The following SDK1 variants were observed in gnomAD, a reference collection of about 807,000 sequenced individuals.
SDK1 encodes the protein sidekick cell adhesion molecule 1, also known as protein sidekick-1.
A neutral mutation model predicts 245.5 loss-of-function variants in SDK1; 157 were observed. The ratio of observed to expected loss-of-function variants is 0.64; its 90% CI spans 0.56 to 0.73. SDK1 has a LOEUF of 0.73. Among genes scored for constraint, SDK1 ranks in the 30% least tolerant of loss-of-function variants. The pLI, the probability that SDK1 is intolerant of heterozygous loss-of-function variation, is 0.00. For synonymous variants in SDK1, 1,647 were observed against 1,278.5 expected (o/e 1.29, Z -6.15); for missense variants, 3,583 against 3,002.3 (o/e 1.19, Z -4.52).
At chr7:3,595,854 A>AC (rs1554295203) in intron 1 of SDK1, among the ~76,000 whole-genome samples, 8 of 143,812 alleles carry the variant, frequency 5.6e-5, no homozygotes, top group East Asian at 2.1e-4. Flanking sequence ...AAAAAAAAAA[A>AC]AACAACAACA....
At chr7:3,520,346 A>T (rs138567819) in intron 1 of SDK1, among the ~76,000 whole-genome samples, 1 of 152,172 alleles carries the variant, frequency 6.6e-6, no homozygotes, top group Non-Finnish European at 1.5e-5. Flanking sequence ...CATCCTGTGC[A>T]GCTCTCTGTT....
chr7:4,012,004 C>A, intron 15 of SDK1, 91 bp from the exon 16 acceptor site: 3 of 1,156,328 alleles, frequency 2.6e-6, no homozygotes, highest in Non-Finnish European at 3.4e-6. Context: ...AATAGTCAGG[C>A]TCAAGATTCA....
intron 1 of SDK1, among the ~76,000 whole-genome samples, chr7:3,492,508 A>G (rs547087020): frequency 6.6e-6 from 1 of 152,346 alleles, no homozygotes; most frequent in Admixed American, 6.5e-5. Flanking sequence ...AAATACAAAA[A>G]CAAAAACAAC....
At chr7:4,058,905 A>G (rs1311207040) in intron 19 of SDK1, among the ~76,000 whole-genome samples, 3 of 152,150 alleles carry the variant, frequency 2.0e-5, no homozygotes, top group Admixed American at 2.0e-4. Context: ...AAAATGTACA[A>G]ACGTATAAAA....
At chr7:3,714,310 A>C (rs963312445) in intron 4 of SDK1, among the ~76,000 whole-genome samples, 7 of 152,238 alleles carry the variant, frequency 4.6e-5, no homozygotes, top group African/African-American at 1.7e-4. Context: ...AATATGAAGG[A>C]AAATCATTAC....
At chr7:4,095,771 G>C (rs1230691519) in intron 22 of SDK1, among the ~76,000 whole-genome samples, 4 of 151,972 alleles carry the variant, frequency 2.6e-5, no homozygotes, top group Admixed American at 2.6e-4. Flanking sequence ...ATGGGGTTTC[G>C]CCGTGTGGGC....
At chr7:4,250,676 G>A (rs1005147874) in intron 44 of SDK1, among the ~76,000 whole-genome samples, 4 of 152,066 alleles carry the variant, frequency 2.6e-5, no homozygotes, top group Admixed American at 6.6e-5. Flanking sequence ...AGGGTCTAAC[G>A]GAACACAGGC....
At chr7:3,893,297 T>TG (rs1275895006) in intron 5 of SDK1, among the ~76,000 whole-genome samples, 3 of 152,118 alleles carry the variant, frequency 2.0e-5, no homozygotes, top group African/African-American at 7.2e-5. Flanking sequence ...TCATCCCACC[T>TG]GGGTCTGAAT....
At chr7:3,737,837 G>A (rs1187047960) in intron 4 of SDK1, among the ~76,000 whole-genome samples, 1 of 152,194 alleles carries the variant, frequency 6.6e-6, no homozygotes, top group African/African-American at 2.4e-5. Context: ...ATAGCTTAGG[G>A]GAAGTCTCTT....
chr7:3,346,609 C>T (rs1380345457), intron 1 of SDK1, among the ~76,000 whole-genome samples: 3 of 149,774 alleles, frequency 2.0e-5, no homozygotes, highest in Admixed American at 6.7e-5. Context: ...CCAACTCGTG[C>T]TCAGGCAGTC....
chr7:3,566,781 C>G (rs1035693435), intron 1 of SDK1, among the ~76,000 whole-genome samples: 3 of 149,538 alleles, frequency 2.0e-5, no homozygotes, highest in Non-Finnish European at 3.0e-5. Context: ...TGACCACACA[C>G]TTCACAAAAC....
intron 2 of SDK1, among the ~76,000 whole-genome samples, chr7:3,637,912 A>G (rs1177099138): frequency 1.3e-5 from 2 of 152,258 alleles, no homozygotes; most frequent in South Asian, 2.1e-4. Context: ...CGAGTTCTGT[A>G]TCTCATCCTG....
intron 2 of SDK1, among the ~76,000 whole-genome samples, chr7:3,625,404 C>T (rs985025276): frequency 6.6e-6 from 1 of 152,190 alleles, no homozygotes; most frequent in Non-Finnish European, 1.5e-5. Flanking sequence ...TCAGACAGTT[C>T]TGTCTCTAAT....
intron 35 of SDK1, among the ~76,000 whole-genome samples, chr7:4,192,014 C>G (rs1042931450): frequency 6.6e-6 from 1 of 152,234 alleles, no homozygotes; most frequent in Non-Finnish European, 1.5e-5. Context: ...CAGCCACACT[C>G]TCTTCCGAGA....
intron 5 of SDK1, among the ~76,000 whole-genome samples, chr7:3,884,917 C>T (rs1781300813): frequency 6.6e-6 from 1 of 152,216 alleles, no homozygotes. Context: ...GAGGTGGAAG[C>T]TTATCCCTTT....
At chr7:3,538,961 G>C (rs1016031965) in intron 1 of SDK1, among the ~76,000 whole-genome samples, 3 of 152,194 alleles carry the variant, frequency 2.0e-5, no homozygotes, top group Non-Finnish European at 4.4e-5. Context: ...TCTTGTTCCT[G>C]TCCCATCCCC....
intron 4 of SDK1, among the ~76,000 whole-genome samples, chr7:3,645,526 T>G (rs1782806463): frequency 6.6e-6 from 1 of 152,236 alleles, no homozygotes; most frequent in African/African-American, 2.4e-5. Context: ...TACACTGATT[T>G]GATCTTTACA....
chr7:3,648,109 TATAA>T (rs1307685286), intron 4 of SDK1, among the ~76,000 whole-genome samples: 1 of 152,246 alleles, frequency 6.6e-6, no homozygotes, highest in Non-Finnish European at 1.5e-5. Flanking sequence ...AGCTTTGTCA[TATAA>T]ATACAGTCTA....
chr7:3,876,790 A>G (rs929089870), intron 5 of SDK1, among the ~76,000 whole-genome samples: 1 of 152,198 alleles, frequency 6.6e-6, no homozygotes, highest in African/African-American at 2.4e-5. Flanking sequence ...CTCTAGAGCT[A>G]AGGTAGGAGA....
Sources: gnomAD v4.1 joint callset for allele counts (sites outside exome capture counted in the v4.1 genomes callset) on GRCh38, gnomAD v4.1.1 for gene constraint, MANE v1.5 for transcripts, NCBI Gene and HGNC (gene_info 2026-07-23, HGNC 2026-07-21) for gene names.